The following PAXIP1 variants were observed in gnomAD, a reference collection of about 807,000 sequenced individuals.
The protein encoded by PAXIP1 is PAX-interacting protein 1.
In PAXIP1, 19 loss-of-function variants were observed where a neutral mutation model predicts 140.6. That is an observed-to-expected ratio of 0.14 (90% CI 0.09 to 0.20). The LOEUF (loss-of-function observed/expected upper bound fraction) is 0.20. PAXIP1 is among the 10% of genes least tolerant of loss of function. The pLI, the probability that PAXIP1 is intolerant of heterozygous loss-of-function variation, is 1.00. For missense variants in PAXIP1, 920 were observed against 1,208.6 expected (o/e 0.76, Z 3.54); for synonymous variants, 442 against 444.6 (o/e 0.99, Z 0.07).
chr7:154,992,635 A>G lies in PAXIP1; in HGVS notation c.260+1091T>C, dbSNP rs921153598. 5.9e-5 allele frequency among the ~76,000 whole-genome samples: 9 copies of G among 152,018 alleles called. No homozygotes were observed. The South Asian group carries it at 6.2e-4, about 11-fold the overall frequency. ...ATCTCAGCTTCTTAAGGAGTCTTGT[A>G]CAGAGAATAAATGACCTGGAACAAC... On this transcript the variant is annotated intron_variant, in intron 3 of 20. Transcript: ENST00000404141.
chr7:155,002,676 C>T (rs1810971002), intron 1 of PAXIP1, among the ~76,000 whole-genome samples, 173 bp downstream of exon 1: 1 of 151,344 alleles, frequency 6.6e-6, no homozygotes, highest in Admixed American at 6.6e-5. Context: ...CCGGGCCTCC[C>T]GCGCCCACCC....
In PAXIP1 at chr7:155,002,962, G is replaced by A. The variant is rs887911577; in HGVS notation, c.-33C>T. 9.9e-7 allele frequency: 1 copy of A among 1,008,876 alleles called. No individual in the cohort carries two copies. Among genetic ancestry groups the A allele is most frequent in the African/African-American group, 1.8e-5 (1 of 56,152 alleles). 62.5% of individuals were successfully genotyped at this position (1,008,876 alleles called of 1,614,324 possible). On this transcript the variant is annotated 5_prime_UTR_variant, in exon 1 of 21. Transcript: ENST00000404141. ...GCGGCCCGGGAGGCTCCGCGGCGGC[G>A]CCCGGCCCCGCCCACCCCCCGCCCC...
At chr7:154,990,388 A>G (rs1036531316) in intron 4 of PAXIP1, among the ~76,000 whole-genome samples, 14 of 152,178 alleles carry the variant, frequency 9.2e-5, no homozygotes, top group Admixed American at 9.2e-4. Context: ...GTGAAAACGA[A>G]ATGAGTATTT....
intron 2 of PAXIP1, among the ~76,000 whole-genome samples, chr7:154,996,926 G>A (rs1340451751): frequency 6.6e-6 from 1 of 152,140 alleles, no homozygotes; most frequent in Admixed American, 6.5e-5. Flanking sequence ...GGATGTGTTA[G>A]AAAGATCACC....
intron 16 of PAXIP1, among the ~76,000 whole-genome samples, chr7:154,953,467 A>G (rs1236266259): frequency 6.6e-6 from 1 of 152,134 alleles, no homozygotes; most frequent in Non-Finnish European, 1.5e-5. Flanking sequence ...AATTCAGTGA[A>G]GCTTGTCATG....
At chr7:154,997,680 A>T (rs1267484143) in intron 2 of PAXIP1, among the ~76,000 whole-genome samples, 1 of 152,240 alleles carries the variant, frequency 6.6e-6, no homozygotes, top group Non-Finnish European at 1.5e-5. Flanking sequence ...GTAGGTGGAT[A>T]AACAAAATCT....
intron 6 of PAXIP1, among the ~76,000 whole-genome samples, chr7:154,972,667 G>T (rs1306286413): frequency 6.6e-6 from 1 of 152,184 alleles, no homozygotes; most frequent in Non-Finnish European, 1.5e-5. Flanking sequence ...TTCTCGAAGT[G>T]CCAGAGGCTT....
rs551308335 is a variant in PAXIP1, at chr7:154,971,897, G to A, written c.1075-2771C>T. Among the ~76,000 whole-genome samples the A allele has an allele frequency of 3.9e-5, 6 of 152,214 alleles. No homozygotes were observed. The South Asian group carries it at 1.0e-3, about 26-fold the overall frequency. On this transcript the variant is annotated intron_variant, in intron 6 of 20. Coordinates refer to ENST00000404141, the MANE Select transcript of PAXIP1 (RefSeq NM_007349.4). ...TTTTCTTCACATCTAGAAGTAAAAC[G>A]TCCTTATGTTCTCTTGCATTGCTGA...
chr7:154,968,756 T>C lies in PAXIP1; in HGVS notation c.1445A>G (p.His482Arg). The C allele has an allele frequency of 1.4e-6, 1 of 719,232 alleles. No individual in the cohort carries two copies. The highest frequency in any genetic ancestry group is 2.6e-6 in the Non-Finnish European group (1 of 385,856). The allele number at this position is 719,232 out of a possible 1,614,324, so 44.6% of individuals were successfully genotyped here. The change falls in exon 7 of 21, where the codon CAT becomes CGT. Residue 482 changes from histidine to arginine, a missense_variant. Transcript: ENST00000404141. The stretch of plus-strand genomic sequence containing the variant: ...GGGCTGGAGCTGCTGCTGAGGGCGA[T>C]GCAGCTGCTGTGGAGGATGCAACTG... ...QQQLHPPQQL[H>R]RPQQQLQPFQ... is the part of the protein sequence containing the mutation.
At chr7:154,957,397 A>G (rs868085923) in intron 13 of PAXIP1, 103 bp from the exon 14 acceptor site, 5 of 577,624 alleles carry the variant, frequency 8.7e-6, no homozygotes, top group South Asian at 2.8e-5. Context: ...TTAAACATAT[A>G]CAAGAATCAT....
chr7:154,948,017 C>A lies in PAXIP1; in HGVS notation c.2822-14G>T. The stretch of plus-strand genomic sequence containing the variant: ...AGTTCTGCTCATCTGGAAAACAGAA[C>A]AGCACATACTCTGAAAAGTGTGGAC... On this transcript the variant is annotated splice_polypyrimidine_tract_variant and intron_variant, in intron 16 of 20. Coordinates refer to ENST00000404141, the MANE Select transcript of PAXIP1 (RefSeq NM_007349.4). The A allele has an allele frequency of 6.4e-7, 1 of 1,562,764 alleles. No individual in the cohort carries two copies. The highest frequency in any genetic ancestry group is 8.8e-7 in the Non-Finnish European group (1 of 1,133,338).
intron 13 of PAXIP1, among the ~76,000 whole-genome samples, chr7:154,957,566 T>A (rs1808573305): frequency 6.6e-6 from 1 of 152,192 alleles, no homozygotes; most frequent in Admixed American, 6.5e-5. Flanking sequence ...TACTTTAAAT[T>A]ATCTTTGTTG....
chr7:154,978,356 G>T (rs980567141), intron 5 of PAXIP1, among the ~76,000 whole-genome samples: 4 of 152,144 alleles, frequency 2.6e-5, no homozygotes, highest in African/African-American at 9.7e-5. Context: ...AAAAGGAATA[G>T]ATTTAAGGCT....
chr7:154,966,635 T>TA (rs1340588831), intron 8 of PAXIP1, among the ~76,000 whole-genome samples: 2 of 152,236 alleles, frequency 1.3e-5, no homozygotes, highest in African/African-American at 4.8e-5. Flanking sequence ...TTCTGACTTT[T>TA]AAAAAATCTC....
At chr7:154,995,825 G>A (rs1810574319) in intron 2 of PAXIP1, among the ~76,000 whole-genome samples, 1 of 152,074 alleles carries the variant, frequency 6.6e-6, no homozygotes, top group African/African-American at 2.4e-5. Context: ...CTCCAGCCTG[G>A]GAGATTCTGT....
intron 9 of PAXIP1, 81 bp from the exon 10 acceptor site, chr7:154,962,539 C>T (rs1808800661): frequency 1.2e-5 from 15 of 1,261,676 alleles, no homozygotes; most frequent in African/African-American, 1.5e-5. Flanking sequence ...TGTATAACTA[C>T]AATGCCCTTT....
chr7:154,948,063 G>T, intron 16 of PAXIP1, 60 bp from the exon 17 acceptor site: 1 of 1,154,754 alleles, frequency 8.7e-7, no homozygotes, highest in South Asian at 1.2e-5. Flanking sequence ...TGGCAAGTGT[G>T]ACCCACAAAA....
chr7:154,959,643 G>C (rs1808668288), intron 13 of PAXIP1, among the ~76,000 whole-genome samples: 1 of 152,124 alleles, frequency 6.6e-6, no homozygotes, highest in Non-Finnish European at 1.5e-5. Flanking sequence ...CTCATCAAGA[G>C]ACCCGGGACT....
At chr7:154,998,578 T>C (rs1247298183) in intron 2 of PAXIP1, 72 bp downstream of exon 2, 6 of 1,034,470 alleles carry the variant, frequency 5.8e-6, no homozygotes, top group Admixed American at 2.3e-5. Flanking sequence ...AAAAGAGCTA[T>C]AGTGAAACTT....
Sources: gnomAD v4.1 joint callset for allele counts (sites outside exome capture counted in the v4.1 genomes callset) on GRCh38, gnomAD v4.1.1 for gene constraint, MANE v1.5 for transcripts, NCBI Gene and HGNC (gene_info 2026-07-23, HGNC 2026-07-21) for gene names.